Variants in NRXN3 observed in about 807,000 individuals in gnomAD.
NRXN3 encodes the protein neurexin III.
A neutral mutation model predicts 137.6 loss-of-function variants in NRXN3; 32 were observed. The observed-to-expected ratio is 0.23, with a 90% CI of 0.18 to 0.31. The LOEUF (loss-of-function observed/expected upper bound fraction) is 0.31. Among genes scored for constraint, NRXN3 ranks in the 10% least tolerant of loss-of-function variants. NRXN3 has a pLI of 1.00. For missense variants in NRXN3, 1,574 were observed against 2,062.5 expected, an observed-to-expected ratio of 0.76 and a Z score of 4.59; for synonymous variants, 798 against 784.5, an observed-to-expected ratio of 1.02 and a Z score of -0.29.
At chr14:78,509,497 CTT>C (rs1272099615) in intron 4 of NRXN3, among the ~76,000 whole-genome samples, 1 of 152,106 alleles carries the variant, frequency 6.6e-6, no homozygotes, top group Non-Finnish European at 1.5e-5. Context: ...TCATTTTTCT[CTT>C]TGCCACACAA....
At chr14:79,582,162 C>A (rs938914230) in intron 16 of NRXN3, among the ~76,000 whole-genome samples, 2 of 152,166 alleles carry the variant, frequency 1.3e-5, no homozygotes, top group African/African-American at 4.8e-5. Flanking sequence ...AGACTGGTCT[C>A]AAATTCCTGA....
chr14:78,418,314 G>C (rs1156384964), intron 4 of NRXN3, among the ~76,000 whole-genome samples: 1 of 152,092 alleles, frequency 6.6e-6, no homozygotes, highest in East Asian at 1.9e-4. Flanking sequence ...CATTTATGTT[G>C]GTGGATTTGG....
At chr14:78,505,882 G>T (rs1313137079) in intron 4 of NRXN3, among the ~76,000 whole-genome samples, 1 of 152,130 alleles carries the variant, frequency 6.6e-6, no homozygotes, top group Non-Finnish European at 1.5e-5. Flanking sequence ...CTAATTTGAT[G>T]AATTTGGACA....
At chr14:79,358,447 G>T (rs1254336892) in intron 15 of NRXN3, among the ~76,000 whole-genome samples, 1 of 151,180 alleles carries the variant, frequency 6.6e-6, no homozygotes, top group Admixed American at 6.6e-5. Flanking sequence ...GGTGGCGGGC[G>T]CCTGTAGTCC....
intron 4 of NRXN3, among the ~76,000 whole-genome samples, chr14:78,527,563 G>A (rs1184975884): frequency 6.6e-6 from 1 of 152,156 alleles, no homozygotes; most frequent in African/African-American, 2.4e-5. Flanking sequence ...TCCAAACCAT[G>A]TCAGCCTTCT....
chr14:78,863,082 T>C (rs972352402), intron 10 of NRXN3, among the ~76,000 whole-genome samples: 2 of 152,156 alleles, frequency 1.3e-5, no homozygotes, highest in Non-Finnish European at 1.5e-5. Flanking sequence ...CTGCCCAAGA[T>C]GCAGGATGAT....
At chr14:78,845,003 A>C (rs2099022593) in intron 10 of NRXN3, among the ~76,000 whole-genome samples, 1 of 152,060 alleles carries the variant, frequency 6.6e-6, no homozygotes, top group African/African-American at 2.4e-5. Context: ...AAATTCTTTA[A>C]ATAATAATGA....
intron 8 of NRXN3, among the ~76,000 whole-genome samples, chr14:78,720,658 A>T (rs1464153283): frequency 2.0e-5 from 3 of 152,150 alleles, no homozygotes; most frequent in Admixed American, 6.6e-5. Context: ...TTCCATCTCT[A>T]TCATTTTAGA....
chr14:78,475,693 C>T (rs1261226906), intron 4 of NRXN3, among the ~76,000 whole-genome samples: 42 of 152,180 alleles, frequency 2.8e-4, no homozygotes, highest in Admixed American at 2.8e-3. Context: ...CTACAATCAG[C>T]TAAGAACACC....
intron 10 of NRXN3, among the ~76,000 whole-genome samples, chr14:78,902,934 G>T (rs2099201713): frequency 6.6e-6 from 1 of 151,618 alleles, no homozygotes; most frequent in Admixed American, 6.6e-5. Context: ...CATATGTACT[G>T]CCTCTTATCC....
At chr14:79,252,052 T>A (rs1426362186) in intron 15 of NRXN3, among the ~76,000 whole-genome samples, 1 of 152,168 alleles carries the variant, frequency 6.6e-6, no homozygotes, top group Non-Finnish European at 1.5e-5. Flanking sequence ...TGATAGTACC[T>A]TTATCTAGAA....
intron 15 of NRXN3, among the ~76,000 whole-genome samples, chr14:79,440,610 G>A (rs1266003348): frequency 6.6e-6 from 1 of 151,972 alleles, no homozygotes; most frequent in East Asian, 1.9e-4. Flanking sequence ...ATAAATCTCT[G>A]TAACTCTAGA....
chr14:79,297,848 G>A (rs749278943), intron 15 of NRXN3, among the ~76,000 whole-genome samples: 46 of 152,116 alleles, frequency 3.0e-4, no homozygotes, highest in Admixed American at 8.5e-4. Context: ...AACCAGTAAC[G>A]GAGAGAAAAA....
At chr14:78,851,675 G>A (rs2099043047) in intron 10 of NRXN3, among the ~76,000 whole-genome samples, 1 of 152,208 alleles carries the variant, frequency 6.6e-6, no homozygotes, top group Admixed American at 6.5e-5. Context: ...TCAAGCTGGG[G>A]AGGCCAGGCA....
chr14:78,726,560 C>T (rs1347204412), intron 8 of NRXN3, among the ~76,000 whole-genome samples: 5 of 141,198 alleles, frequency 3.5e-5, no homozygotes, highest in Non-Finnish European at 7.6e-5. Context: ...CTCTTTTGCC[C>T]AAGCTGAAGT....
intron 1 of NRXN3, among the ~76,000 whole-genome samples, chr14:78,219,232 T>C (rs943074492): frequency 6.6e-6 from 1 of 152,146 alleles, no homozygotes; most frequent in Admixed American, 6.5e-5. Flanking sequence ...ATGGGGAGAA[T>C]CAGTGGAAAT....
At chr14:78,557,060 C>T (rs2096745564) in intron 4 of NRXN3, among the ~76,000 whole-genome samples, 1 of 145,894 alleles carries the variant, frequency 6.9e-6, no homozygotes, top group African/African-American at 2.5e-5. Context: ...GCTCCCTCTT[C>T]TCTTTTCTGA....
intron 15 of NRXN3, among the ~76,000 whole-genome samples, chr14:79,129,046 C>T (rs373077023): frequency 1.8e-4 from 28 of 152,080 alleles, no homozygotes; most frequent in East Asian, 3.9e-4. Flanking sequence ...TTTTTTATTG[C>T]GTCTATTTGA....
chr14:79,570,733 G>C (rs2097592011), intron 16 of NRXN3: 2 of 152,190 alleles, frequency 1.3e-5, no homozygotes, highest in Admixed American at 1.3e-4. Context: ...CTTAACCAAT[G>C]TATTTCCACA....
Sources: allele counts gnomAD v4.1 joint callset (sites outside exome capture counted in the v4.1 genomes callset), GRCh38; gene constraint gnomAD v4.1.1; transcripts MANE v1.5; gene names NCBI Gene and HGNC (gene_info 2026-07-23, HGNC 2026-07-21).